ADK: variants seen among roughly 807,000 people sequenced by gnomAD.
ADK encodes the protein N6,N6-dimethyladenosine kinase.
In ADK, 24 loss-of-function variants were observed where a neutral mutation model predicts 44.7. The observed-to-expected ratio is 0.54, with a 90% CI of 0.39 to 0.76. The LOEUF (loss-of-function observed/expected upper bound fraction) is 0.76, where lower values mean the gene tolerates loss of function less well. Ranked by LOEUF, ADK falls within the 30% of genes least tolerant of loss-of-function variation. The pLI is 0.00. For missense variants in ADK, 321 were observed against 425.1 expected, an observed-to-expected ratio of 0.76 and a Z score of 2.15; for synonymous variants, 128 against 142.6, an observed-to-expected ratio of 0.90 and a Z score of 0.73.
intron 7 of ADK, among the ~76,000 whole-genome samples, chr10:74,534,214 C>T (rs1208998622): frequency 1.3e-5 from 2 of 152,068 alleles, no homozygotes; most frequent in Non-Finnish European, 2.9e-5. Context: ...TTTATACATA[C>T]GTCAAGTTTT....
intron 9 of ADK, among the ~76,000 whole-genome samples, chr10:74,624,376 C>G (rs1015972143): frequency 1.3e-5 from 2 of 151,726 alleles, no homozygotes; most frequent in African/African-American, 4.8e-5. Context: ...GTTTTTAAAC[C>G]TTTCTGTGTT....
At chr10:74,182,020 T>C (rs1842577848) in intron 1 of ADK, among the ~76,000 whole-genome samples, 1 of 152,162 alleles carries the variant, frequency 6.6e-6, no homozygotes, top group Non-Finnish European at 1.5e-5. Flanking sequence ...GGAAAATTTA[T>C]GTGGGCAGTG....
intron 8 of ADK, among the ~76,000 whole-genome samples, chr10:74,595,702 ATAGG>A (rs1268442345): frequency 1.3e-5 from 1 of 78,158 alleles, no homozygotes; most frequent in Non-Finnish European, 2.6e-5. Context: ...GATTAAAAAA[ATAGG>A]CTATATGGCC....
At position 74,311,715 on chromosome 10, in the gene ADK, A is replaced by G. The variant is rs928929871; in HGVS notation, c.195-2952A>G. 2.6e-5 allele frequency among the ~76,000 whole-genome samples: 4 copies of G among 152,234 alleles called. No individual in the cohort carries two copies. The East Asian group carries it at 7.7e-4, about 29-fold the overall frequency. On this transcript the variant is annotated intron_variant, in intron 3 of 10. Coordinates refer to ENST00000539909, the MANE Select transcript of ADK (RefSeq NM_006721.4). ...ATCATAATAGTATTAAAACATAGGAAGTATGAAGTAGTGATCAGAATAAAA... is the reference window on the plus strand; with the variant it reads ...ATCATAATAGTATTAAAACATAGGAGGTATGAAGTAGTGATCAGAATAAAA...
chr10:74,284,070 T>C (rs1847058089), intron 3 of ADK, among the ~76,000 whole-genome samples: 1 of 152,218 alleles, frequency 6.6e-6, no homozygotes, highest in African/African-American at 2.4e-5. Flanking sequence ...GAGATTCTCC[T>C]GCTTCAGCCT....
intron 1 of ADK, among the ~76,000 whole-genome samples, chr10:74,167,603 G>A (rs1842064990): frequency 6.6e-6 from 1 of 152,152 alleles, no homozygotes; most frequent in Non-Finnish European, 1.5e-5. Flanking sequence ...TCTTCAGCTG[G>A]GTAGTTGGAC....
At chr10:74,498,244 T>C (rs948217683) in intron 6 of ADK, among the ~76,000 whole-genome samples, 1 of 152,248 alleles carries the variant, frequency 6.6e-6, no homozygotes, top group Non-Finnish European at 1.5e-5. Context: ...TGTTATAGAA[T>C]AGTAAGTACA....
At chr10:74,247,951 A>G (rs1454518797) in intron 3 of ADK, among the ~76,000 whole-genome samples, 1 of 152,208 alleles carries the variant, frequency 6.6e-6, no homozygotes, top group Non-Finnish European at 1.5e-5. Flanking sequence ...CAAGAGGATA[A>G]TAATTACACA....
intron 7 of ADK, among the ~76,000 whole-genome samples, chr10:74,541,881 G>T (rs993083680): frequency 7.1e-6 from 1 of 140,046 alleles, no homozygotes; most frequent in Non-Finnish European, 1.5e-5. Context: ...AGTGTGTTTC[G>T]TTACTGGTAA....
intron 7 of ADK, among the ~76,000 whole-genome samples, chr10:74,565,663 G>A (rs977336277): frequency 7.0e-6 from 1 of 142,004 alleles, no homozygotes; most frequent in East Asian, 2.3e-4. Flanking sequence ...GGAGGCAGAG[G>A]TTGCAGTGAG....
chr10:74,229,102 TA>T (rs1313481211), intron 3 of ADK, among the ~76,000 whole-genome samples: 3 of 152,208 alleles, frequency 2.0e-5, no homozygotes, highest in Non-Finnish European at 4.4e-5. Context: ...TTTGTCAGAA[TA>T]ACCCCTTAAA....
intron 6 of ADK, among the ~76,000 whole-genome samples, chr10:74,431,359 C>T (rs1381606798): frequency 3.9e-5 from 6 of 152,118 alleles, no homozygotes; most frequent in African/African-American, 1.2e-4. Context: ...CTGCTTAATC[C>T]GCATATCTGT....
At chr10:74,659,596 G>A (rs771001572) in intron 9 of ADK, among the ~76,000 whole-genome samples, 3 of 152,134 alleles carry the variant, frequency 2.0e-5, no homozygotes, top group Non-Finnish European at 4.4e-5. Context: ...GAACTAATAG[G>A]ATAGATATGT....
intron 2 of ADK, among the ~76,000 whole-genome samples, chr10:74,222,778 G>T (rs529225691): frequency 4.0e-5 from 6 of 148,484 alleles, no homozygotes; most frequent in South Asian, 2.1e-4. Flanking sequence ...ACCAAACACC[G>T]CATATTCTCA....
chr10:74,430,183 TA>T (rs1369047048), intron 6 of ADK, among the ~76,000 whole-genome samples: 1 of 152,188 alleles, frequency 6.6e-6, no homozygotes, highest in Non-Finnish European at 1.5e-5. Flanking sequence ...ACATAATTTG[TA>T]GATTCACATG....
At chr10:74,490,416 T>C (rs1372613973) in intron 6 of ADK, among the ~76,000 whole-genome samples, 1 of 152,092 alleles carries the variant, frequency 6.6e-6, no homozygotes, top group African/African-American at 2.4e-5. Context: ...TGTAATTATA[T>C]AGAAGAAAAG....
intron 4 of ADK, among the ~76,000 whole-genome samples, chr10:74,353,480 T>C (rs974979632): frequency 2.0e-5 from 3 of 149,992 alleles, no homozygotes; most frequent in Non-Finnish European, 3.0e-5. Flanking sequence ...ACTTAGATGA[T>C]GGGTTGATAG....
Position 74,394,207 on chromosome 10 carries a change from G to A in ADK, c.340G>A (p.Glu114Lys). The A allele has an allele frequency of 1.2e-6, 2 of 1,614,048 alleles. No homozygotes were observed. The highest frequency in any genetic ancestry group is 8.5e-7 in the Non-Finnish European group (1 of 1,179,956). Residue 114 changes from glutamate to lysine, a missense_variant, in exon 5 of 11, where the codon GAG (glutamate) becomes AAG (lysine). Glu to Lys is a moderately conservative substitution (Grantham distance 56). Coordinates refer to ENST00000539909, the MANE Select transcript of ADK (RefSeq NM_006721.4). ...FGCIGIDKFG[E>K]ILKRKAAEAH... Reference sequence around the variant, plus strand: ...ATGCATTGGGATAGATAAATTTGGGGAGATCCTGAAGAGAAAAGCTGCTGA... The same window carrying A: ...ATGCATTGGGATAGATAAATTTGGGAAGATCCTGAAGAGAAAAGCTGCTGA...
chr10:74,526,954 G>A (rs1849064765), intron 7 of ADK, among the ~76,000 whole-genome samples: 1 of 152,234 alleles, frequency 6.6e-6, no homozygotes, highest in East Asian at 1.9e-4. Flanking sequence ...ATTGGGAGAA[G>A]TTAACATTTG....
Sources: gnomAD v4.1 joint callset for allele counts (sites outside exome capture counted in the v4.1 genomes callset) on GRCh38, gnomAD v4.1.1 for gene constraint, MANE v1.5 for transcripts, NCBI Gene and HGNC (gene_info 2026-07-23, HGNC 2026-07-21) for gene names.